COL6A3: variants seen among roughly 807,000 people sequenced by gnomAD.
COL6A3 encodes the protein collagen alpha-3(VI) chain.
A neutral mutation model predicts 274.1 loss-of-function variants in COL6A3; 137 were observed. The observed-to-expected ratio is 0.50, with a 90% CI of 0.44 to 0.58. COL6A3 has a LOEUF of 0.58. Among genes scored for constraint, COL6A3 ranks in the 20% least tolerant of loss-of-function variants. The probability of loss-of-function intolerance (pLI) is 0.00; values close to 1 mark genes in which losing one functional copy is unlikely to be tolerated. For synonymous variants in COL6A3, 1,650 were observed against 1,650.6 expected (o/e 1.00, Z 0.01); for missense variants, 3,950 against 4,124.9 (o/e 0.96, Z 1.16).
Position 237,353,391 on chromosome 2 carries a change from C to G in COL6A3, c.6640G>C (p.Gly2214Arg). 6.2e-7 allele frequency: 1 copy of G among 1,614,104 alleles called. No homozygotes were observed. Among genetic ancestry groups the G allele is most frequent in the Non-Finnish European group, 8.5e-7 (1 of 1,180,014 alleles). ...GPPGAKGNKGGPGQPGFEGEQ... is the reference protein window; with the variant it reads ...GPPGAKGNKGRPGQPGFEGEQ... ...CCCTCAAAGCCCGGCTGGCCAGGAC[C>G]GCCCTTGTTGCCCTTTGAAATAAGA... is the stretch of plus-strand genomic sequence containing the variant. Residue 2214 changes from glycine (G) to arginine (R), a missense_variant, in exon 25 of 44, where the codon GGT becomes CGT. Transcript: ENST00000295550.
rs1238402448 is a variant in COL6A3 at position 237,365,872 on chromosome 2, T to C, written c.5664A>G (p.Ser1888=). The C allele has an allele frequency of 6.2e-7, 1 of 1,614,184 alleles. No individual in the cohort carries two copies. The highest frequency in any genetic ancestry group is 8.5e-7 in the Non-Finnish European group (1 of 1,180,034). Residue 1888 remains serine, a synonymous_variant, in exon 12 of 44, where the codon TCA becomes TCG. Coordinates refer to ENST00000295550, the MANE Select transcript of COL6A3 (RefSeq NM_004369.4). ...GGCCCGAGGGCGTGTTGGCCACCAC[T>C]GACACACGCACGGTGGGCGAGCGGC... ...SGGRSPTVRV[S]VVANTPSGPV...
Position 237,344,802 on chromosome 2 carries a change from C to A in COL6A3, c.7216G>T (p.Ala2406Ser), listed in dbSNP as rs727502841. 26 of 1,610,660 alleles carry A rather than the reference C, an allele frequency of 1.6e-5. 1 individual carries two copies. In the South Asian group the frequency reaches 2.5e-4, roughly 16 times the overall value. Residue 2406 changes from alanine (A) to serine (S), a missense_variant, in exon 36 of 44, where the codon GCT (alanine) becomes TCT (serine). Around this residue, in one of 5 missense-constraint regions of COL6A3, gnomAD observed 1,284 missense variants for 1,349.7 expected, o/e 0.95. Transcript: ENST00000295550. The surrounding 1 kb of genome is among the most constrained non-coding windows in gnomAD (Gnocchi z 4.8). ...TTGACTCCCTCAGAGGTGTCTAAAG[C>A]AAAGGCTAGTTCTGTTGGGAAGACG... ...CPVFPTELAFALDTSEGVNQD... is the reference protein window; with the variant it reads ...CPVFPTELAFSLDTSEGVNQD...
In COL6A3 at chr2:237,377,298, A is replaced by G. The variant is rs1559255804; in HGVS notation, c.2544T>C (p.Leu848=). 1 of 1,602,744 alleles carries G rather than the reference A, an allele frequency of 6.2e-7. No individual in the cohort carries two copies. The highest frequency in any genetic ancestry group is 2.2e-5 in the East Asian group (1 of 44,884). ...ILFLFDGSAN[L]VGQFPVVRDF... is the part of the protein sequence containing the mutation. The stretch of plus-strand genomic sequence containing the variant: ...CACGGACAACAGGGAACTGGCCCAC[A>G]AGATTGGCTGAGCCGTCAAAGAGGA... The change falls in exon 7 of 44, where the codon CTT becomes CTC. Residue 848 remains leucine (L), a synonymous_variant. Coordinates refer to ENST00000295550, the MANE Select transcript of COL6A3 (RefSeq NM_004369.4).
In COL6A3 at chr2:237,396,833, G is replaced by T. The variant is rs2078453969; in HGVS notation, c.-16C>A. On this transcript the variant is annotated 5_prime_UTR_variant, in exon 2 of 44. Transcript: ENST00000295550. ...GTTTCCTCATTTTGAATTTGTCTAA[G>T]CACCAAATATGAACCTAAAAGAGAA... The T allele has an allele frequency of 1.9e-6, 3 of 1,611,734 alleles. No individual in the cohort carries two copies. In the East Asian group the frequency reaches 6.7e-5, roughly 36 times the overall value.
At position 237,376,924 on chromosome 2, in the gene COL6A3, A is replaced by T. The variant is rs199960342; in HGVS notation, c.2918T>A (p.Phe973Tyr). The change falls in exon 7 of 44, where the codon TTC becomes TAC. Residue 973 changes from phenylalanine (F) to tyrosine (Y), a missense_variant. Transcript: ENST00000295550. ...LKQSGVVPFIFQAKNADPAEL... is the reference protein window; with the variant it reads ...LKQSGVVPFIYQAKNADPAEL... ...AGCAGGGTCTGCGTTCTTGGCTTGG[A>T]AGATGAAAGGCACAACCCCACTCTG... 2.5e-6 allele frequency: 4 copies of T among 1,614,212 alleles called. No homozygotes were observed. The African/African-American group carries it at 5.3e-5, about 22-fold the overall frequency.
intron 1 of COL6A3, among the ~76,000 whole-genome samples, chr2:237,405,042 C>G (rs542692624): frequency 6.6e-6 from 1 of 152,106 alleles, no homozygotes; most frequent in South Asian, 2.1e-4. Context: ...CAGAATATAT[C>G]CAGATATTGA....
intron 42 of COL6A3, chr2:237,330,021 G>A (rs1322815161): frequency 6.6e-6 from 1 of 152,182 alleles, no homozygotes; most frequent in South Asian, 2.1e-4. Flanking sequence ...TAGTTGTTTT[G>A]TCTAGTTTCT....
intron 1 of COL6A3, among the ~76,000 whole-genome samples, chr2:237,410,040 C>T (rs990085401): frequency 5.3e-5 from 8 of 152,238 alleles, no homozygotes; most frequent in Admixed American, 2.0e-4. Flanking sequence ...TGTACACTTC[C>T]GTTATTATGA....
intron 39 of COL6A3, among the ~76,000 whole-genome samples, chr2:237,336,877 A>T (rs985275473): frequency 3.9e-5 from 6 of 152,230 alleles, no homozygotes; most frequent in Non-Finnish European, 7.3e-5. Context: ...CAACCAAAAC[A>T]TACACCAAAA....
chr2:237,367,229 T>A lies in COL6A3; in HGVS notation c.4958A>T (p.Asp1653Val), dbSNP rs1388135232. 6.8e-6 allele frequency: 11 copies of A among 1,613,986 alleles called. No homozygotes were observed. The highest frequency in any genetic ancestry group is 9.3e-6 in the Non-Finnish European group (11 of 1,179,868). The part of the protein sequence containing the change: ...LLDGSINFRR[D>V]SFQEVLRFVS... ...AAAACGAAGCACTTCCTGGAAACTG[T>A]CCCTCCTGAAGTTGATGGAACCATC... The change falls in exon 11 of 44, where the codon GAC becomes GTC. Residue 1653 changes from aspartate to valine, a missense_variant. Physicochemically the swap from Asp to Val is radical, Grantham distance 152. Transcript: ENST00000295550.
chr2:237,362,738 A>C (rs1332614569), intron 14 of COL6A3, among the ~76,000 whole-genome samples: 2 of 152,158 alleles, frequency 1.3e-5, no homozygotes, highest in African/African-American at 4.8e-5. Flanking sequence ...AGGAGGTCAC[A>C]CCTCCAGCTG....
At position 237,369,006 on chromosome 2, in the gene COL6A3, G is replaced by T. The variant is rs373597770; in HGVS notation, c.4457C>A (p.Pro1486Gln). The part of the protein sequence containing the change: ...GVVQFSNDVF[P>Q]EFYLKTYRSQ... ...TCTGTAGGTTTTCAGATAGAATTCT[G>T]GGAAGACATCATTGCTGAACTGCAC... The change falls in exon 10 of 44, where the codon CCA (proline) becomes CAA (glutamine). Residue 1486 changes from proline (P) to glutamine (Q), a missense_variant. Around this residue, in one of 5 missense-constraint regions of COL6A3, gnomAD observed 1,934 missense variants for 1,984.3 expected, o/e 0.97. Transcript: ENST00000295550. The T allele has an allele frequency of 2.1e-5, 34 of 1,614,190 alleles. No individual in the cohort carries two copies. Among genetic ancestry groups the T allele is most frequent in the Non-Finnish European group, 2.8e-5 (33 of 1,180,036 alleles).
chr2:237,331,339 C>G (rs1410109990), intron 42 of COL6A3, among the ~76,000 whole-genome samples: 1 of 151,842 alleles, frequency 6.6e-6, no homozygotes, highest in Admixed American at 6.6e-5. Context: ...AAAAATTTTC[C>G]CCCCACCCCA....
intron 2 of COL6A3, among the ~76,000 whole-genome samples, chr2:237,396,024 T>G (rs1479146557): frequency 6.6e-6 from 1 of 152,160 alleles, no homozygotes; most frequent in Non-Finnish European, 1.5e-5. Context: ...CCAACCCACG[T>G]TCTTCTTCCA....
intron 14 of COL6A3, 123 bp downstream of exon 14, chr2:237,363,130 A>C: frequency 1.0e-6 from 1 of 954,850 alleles, no homozygotes; most frequent in Non-Finnish European, 1.6e-6. Context: ...AATAAATTTA[A>C]CTATCTACCA....
In COL6A3 at chr2:237,377,315, C is replaced by T; in HGVS notation, c.2527G>A (p.Asp843Asn). 1 of 1,600,850 alleles carries T rather than the reference C, an allele frequency of 6.2e-7. No individual in the cohort carries two copies. Among genetic ancestry groups the T allele is most frequent in the Non-Finnish European group, 8.5e-7 (1 of 1,179,938 alleles). Residue 843 changes from aspartate (D) to asparagine (N), a missense_variant, in exon 7 of 44, where the codon GAC becomes AAC. This residue lies in a region of COL6A3 where 1,934 missense variants were observed against 1,984.3 expected (regional missense o/e 0.97). Coordinates refer to ENST00000295550, the MANE Select transcript of COL6A3 (RefSeq NM_004369.4). ...TGGCCCACAAGATTGGCTGAGCCGT[C>T]AAAGAGGAACAGAATGTCTCGCTTG... ...ESKRDILFLF[D>N]GSANLVGQFP...
chr2:237,357,017 CA>C, intron 23 of COL6A3: 1 of 431,454 alleles, frequency 2.3e-6, no homozygotes, highest in Non-Finnish European at 4.1e-6. Context: ...CTCCCTCCCC[CA>C]GTATTAGGAT....
intron 25 of COL6A3, among the ~76,000 whole-genome samples, chr2:237,352,801 G>C (rs145801413): frequency 2.6e-5 from 4 of 152,320 alleles, no homozygotes; most frequent in Non-Finnish European, 4.4e-5. Flanking sequence ...CAAGCAACAA[G>C]CATTCAGACA....
chr2:237,389,887 C>T (rs1425740047), intron 3 of COL6A3, among the ~76,000 whole-genome samples: 1 of 152,150 alleles, frequency 6.6e-6, no homozygotes, highest in African/African-American at 2.4e-5. Flanking sequence ...AGACTAGGCC[C>T]TTGATTAGGG....
Sources: allele counts gnomAD v4.1 joint callset (sites outside exome capture counted in the v4.1 genomes callset), GRCh38; gene constraint gnomAD v4.1.1; regional missense constraint gnomAD v4.1.1; non-coding constraint Gnocchi (gnomAD v3.1); transcripts MANE v1.5; gene names NCBI Gene and HGNC (gene_info 2026-07-23, HGNC 2026-07-21).